The following MPP7 variants were observed in gnomAD, a reference collection of about 807,000 sequenced individuals.
MPP7 encodes the protein MAGUK p55 subfamily member 7.
MPP7 carries 60 observed loss-of-function variants against 76.5 expected under a neutral mutation model. The ratio of observed to expected loss-of-function variants is 0.78; its 90% CI spans 0.64 to 0.97. The LOEUF is 0.97. Ranked by LOEUF, MPP7 falls within the 50% of genes least tolerant of loss-of-function variation. The probability of loss-of-function intolerance (pLI) is 0.00; values close to 1 mark genes in which losing one functional copy is unlikely to be tolerated. For missense variants in MPP7, 641 were observed against 694.0 expected, an observed-to-expected ratio of 0.92 and a Z score of 0.86; for synonymous variants, 237 against 244.5, an observed-to-expected ratio of 0.97 and a Z score of 0.29.
At chr10:28,178,650 T>G (rs989562654) in intron 3 of MPP7, among the ~76,000 whole-genome samples, 11 of 152,236 alleles carry the variant, frequency 7.2e-5, no homozygotes, top group Non-Finnish European at 5.9e-5. Context: ...GGTACCTCAT[T>G]CTTCTAATCT....
intron 2 of MPP7, among the ~76,000 whole-genome samples, chr10:28,312,742 C>G (rs1485162510): frequency 6.6e-6 from 1 of 152,188 alleles, no homozygotes; most frequent in Non-Finnish European, 1.5e-5. Flanking sequence ...CATCTTTGTA[C>G]TTACCATGTT....
chr10:28,103,227 C>T (rs10826396), intron 11 of MPP7, among the ~76,000 whole-genome samples: 48,360 of 148,500 alleles, frequency 0.33, 10,704 homozygotes, highest in East Asian at 0.83. Context: ...CCTTTGCATA[C>T]GCTGTCTGGG....
At chr10:28,068,134 T>C (rs1275369428) in intron 13 of MPP7, among the ~76,000 whole-genome samples, 1 of 152,134 alleles carries the variant, frequency 6.6e-6, no homozygotes, top group Non-Finnish European at 1.5e-5. Flanking sequence ...TTAAAAATTA[T>C]TTTGTAAAAT....
chr10:28,127,547 G>A (rs1273363531), intron 6 of MPP7, among the ~76,000 whole-genome samples: 1 of 152,166 alleles, frequency 6.6e-6, no homozygotes, highest in Non-Finnish European at 1.5e-5. Flanking sequence ...TTACATGGAT[G>A]GCAGCAGGCA....
At chr10:28,292,557 T>TA (rs1465325662) in intron 1 of MPP7, among the ~76,000 whole-genome samples, 1 of 152,086 alleles carries the variant, frequency 6.6e-6, no homozygotes, top group East Asian at 1.9e-4. Context: ...TTTTAAAAAA[T>TA]ACAATTGCTA....
intron 1 of MPP7, among the ~76,000 whole-genome samples, chr10:28,284,286 T>C (rs1469807928): frequency 6.6e-6 from 1 of 152,204 alleles, no homozygotes; most frequent in Admixed American, 6.5e-5. Context: ...GGTACACAAA[T>C]GTACACAGAC....
chr10:28,282,216 C>A (rs897221194), intron 1 of MPP7: 2 of 152,068 alleles, frequency 1.3e-5, no homozygotes, highest in African/African-American at 4.8e-5. Flanking sequence ...GAGAAAACTA[C>A]ACCTCAGTAT....
At chr10:28,291,707 T>A (rs1363807715) in intron 1 of MPP7, among the ~76,000 whole-genome samples, 5 of 152,254 alleles carry the variant, frequency 3.3e-5, no homozygotes, top group South Asian at 2.1e-4. Flanking sequence ...TTTTACATTT[T>A]AAAAAATTTT....
chr10:28,058,718 T>A, intron 14 of MPP7, 115 bp from the exon 15 acceptor site: 1 of 506,926 alleles, frequency 2.0e-6, no homozygotes, highest in Middle Eastern at 5.5e-4. Context: ...TTTTAAACTG[T>A]GTTTAATAAT....
At chr10:28,274,394 C>T (rs1840427932) in intron 1 of MPP7, among the ~76,000 whole-genome samples, 1 of 151,934 alleles carries the variant, frequency 6.6e-6, no homozygotes, top group Non-Finnish European at 1.5e-5. Context: ...CCACCGCGCC[C>T]GGCCAAAATT....
intron 1 of MPP7, among the ~76,000 whole-genome samples, chr10:28,248,633 G>C (rs189838086): frequency 6.6e-6 from 1 of 152,182 alleles, no homozygotes; most frequent in African/African-American, 2.4e-5. Context: ...CAGTCAATGC[G>C]ATGCAGGGCA....
chr10:28,271,361 A>C (rs1840321485), intron 1 of MPP7, among the ~76,000 whole-genome samples: 1 of 152,196 alleles, frequency 6.6e-6, no homozygotes, highest in Non-Finnish European at 1.5e-5. Flanking sequence ...CCATTGCAAC[A>C]CCCACTAATA....
intron 2 of MPP7, among the ~76,000 whole-genome samples, chr10:28,231,614 C>G (rs1482252367): frequency 6.6e-6 from 1 of 150,606 alleles, no homozygotes; most frequent in Admixed American, 6.6e-5. Context: ...TAATTCTTTC[C>G]CAACAAATTT....
At chr10:28,219,160 T>C (rs949954323) in intron 2 of MPP7, among the ~76,000 whole-genome samples, 3 of 152,222 alleles carry the variant, frequency 2.0e-5, no homozygotes, top group African/African-American at 7.2e-5. Context: ...ATATAACTTA[T>C]TGCTTTTAAA....
intron 11 of MPP7, among the ~76,000 whole-genome samples, chr10:28,114,174 G>A (rs1243231099): frequency 5.3e-5 from 8 of 152,206 alleles, no homozygotes; most frequent in Non-Finnish European, 1.2e-4. Flanking sequence ...ACTTTGGGAG[G>A]CCACAGAAGG....
intron 11 of MPP7, among the ~76,000 whole-genome samples, chr10:28,092,979 T>C (rs747707041): frequency 6.6e-6 from 1 of 152,074 alleles, no homozygotes; most frequent in Non-Finnish European, 1.5e-5. Flanking sequence ...CAAGGGTCTC[T>C]TTCTAATTGC....
chr10:28,057,873 G>A, intron 15 of MPP7: 1 of 1,216,498 alleles, frequency 8.2e-7, no homozygotes, highest in Non-Finnish European at 1.0e-6. Context: ...AAAATGCTGT[G>A]GGCTGGGGAT....
At chr10:28,228,854 A>G (rs1838783236) in intron 2 of MPP7, among the ~76,000 whole-genome samples, 1 of 152,224 alleles carries the variant, frequency 6.6e-6, no homozygotes, top group Admixed American at 6.5e-5. Context: ...CAGCCCCAGC[A>G]TGTAAAGGAG....
intron 11 of MPP7, among the ~76,000 whole-genome samples, chr10:28,109,445 C>T (rs994129011): frequency 3.9e-5 from 6 of 151,910 alleles, no homozygotes; most frequent in Non-Finnish European, 5.9e-5. Flanking sequence ...GCTTTTCCAC[C>T]GTCTATCAAA....
Sources: allele counts gnomAD v4.1 joint callset (sites outside exome capture counted in the v4.1 genomes callset), GRCh38; gene constraint gnomAD v4.1.1; transcripts MANE v1.5; gene names NCBI Gene and HGNC (gene_info 2026-07-23, HGNC 2026-07-21).